The following MYO16 variants were observed in gnomAD, a reference collection of about 807,000 sequenced individuals.
MYO16 encodes the protein unconventional myosin-XVI.
In MYO16, 94 loss-of-function variants were observed where a neutral mutation model predicts 205.3. The observed-to-expected ratio is 0.46, with a 90% CI of 0.39 to 0.54. The LOEUF (loss-of-function observed/expected upper bound fraction) is 0.54. Ranked by LOEUF, MYO16 falls within the 20% of genes least tolerant of loss-of-function variation. MYO16 has a pLI of 0.00. For synonymous variants in MYO16, 988 were observed against 954.0 expected (o/e 1.04, Z -0.66); for missense variants, 2,315 against 2,387.5 (o/e 0.97, Z 0.63).
intron 16 of MYO16, among the ~76,000 whole-genome samples, chr13:108,911,999 G>A (rs1388986303): frequency 6.6e-6 from 1 of 152,202 alleles, no homozygotes; most frequent in Non-Finnish European, 1.5e-5. Context: ...GAGGAGAAGA[G>A]TGGCCAGAGA....
intron 23 of MYO16, among the ~76,000 whole-genome samples, chr13:109,043,692 A>C (rs1886953055): frequency 6.6e-6 from 1 of 152,182 alleles, no homozygotes; most frequent in East Asian, 1.9e-4. Flanking sequence ...GCAGGGATTG[A>C]AGGGAAAATG....
chr13:109,176,669 G>A (rs7987801), intron 33 of MYO16, among the ~76,000 whole-genome samples: 36,278 of 146,810 alleles, frequency 0.25, 6,541 homozygotes, highest in East Asian at 0.55. Context: ...AAATGTTACT[G>A]CGTTGGCCGT....
intron 23 of MYO16, among the ~76,000 whole-genome samples, chr13:109,038,938 AG>A (rs1886798979): frequency 6.6e-6 from 1 of 152,076 alleles, no homozygotes; most frequent in African/African-American, 2.4e-5. Context: ...GAGGCTTGGT[AG>A]GGGGTTAGGA....
upstream of MYO16, among the ~76,000 whole-genome samples, chr13:108,595,330 G>A (rs868326667): frequency 6.6e-6 from 1 of 152,098 alleles, no homozygotes; most frequent in Non-Finnish European, 1.5e-5. Context: ...AAATTGAATG[G>A]ATTAATGGAA....
intron 10 of MYO16, among the ~76,000 whole-genome samples, chr13:108,845,744 G>A (rs1877485066): frequency 6.6e-6 from 1 of 152,116 alleles, no homozygotes; most frequent in South Asian, 2.1e-4. Context: ...TGAGACAGAA[G>A]ATTGCTGTGT....
intron 10 of MYO16, among the ~76,000 whole-genome samples, chr13:108,848,015 T>A (rs1877614446): frequency 6.6e-6 from 1 of 152,156 alleles, no homozygotes; most frequent in Non-Finnish European, 1.5e-5. Flanking sequence ...GAAAGAGGCG[T>A]GCAGCTTTGC....
chr13:108,731,340 G>A (rs1884516366), intron 4 of MYO16, among the ~76,000 whole-genome samples: 1 of 152,122 alleles, frequency 6.6e-6, no homozygotes, highest in Non-Finnish European at 1.5e-5. Context: ...CCAGTTTTTG[G>A]AATTCAGCCT....
chr13:109,137,388 C>G (rs956909112), intron 31 of MYO16, among the ~76,000 whole-genome samples: 2 of 152,210 alleles, frequency 1.3e-5, no homozygotes, highest in African/African-American at 4.8e-5. Flanking sequence ...ATTATTGAAG[C>G]CAGCTTTGGA....
chr13:108,696,039 A>T (rs1471393131), intron 2 of MYO16, among the ~76,000 whole-genome samples: 1 of 152,204 alleles, frequency 6.6e-6, no homozygotes, highest in Non-Finnish European at 1.5e-5. Flanking sequence ...CAATTGTTTG[A>T]ATTTAAAAAA....
At chr13:108,551,403 C>G in the MYO16 span, among the ~76,000 whole-genome samples, 12 of 152,312 alleles carry the variant, frequency 7.9e-5, no homozygotes, top group African/African-American at 2.9e-4. Flanking sequence ...GGCTATCTCT[C>G]TAAGCCTCAT....
chr13:108,712,808 G>A (rs755258998), intron 3 of MYO16, 77 bp downstream of exon 3: 7 of 1,068,184 alleles, frequency 6.6e-6, no homozygotes, highest in African/African-American at 1.6e-5. Flanking sequence ...ACCCAGGAAC[G>A]AAATGTACAT....
intron 23 of MYO16, among the ~76,000 whole-genome samples, chr13:109,032,949 A>G (rs546412661): frequency 6.6e-6 from 1 of 152,340 alleles, no homozygotes; most frequent in African/African-American, 2.4e-5. Flanking sequence ...ATTTTAATGC[A>G]GAGAATTACA....
At chr13:108,531,633 T>TA in the MYO16 span, among the ~76,000 whole-genome samples, 2 of 151,514 alleles carry the variant, frequency 1.3e-5, no homozygotes, top group Non-Finnish European at 2.9e-5. Context: ...TAATTTTTTT[T>TA]TTTTTGAGAA....
intron 1 of MYO16, among the ~76,000 whole-genome samples, chr13:108,655,143 T>C (rs1166395235): frequency 1.3e-5 from 2 of 152,210 alleles, no homozygotes; most frequent in East Asian, 3.9e-4. Context: ...CCAAGGCATG[T>C]CATAGGTCTT....
intron 1 of MYO16, among the ~76,000 whole-genome samples, chr13:108,619,242 C>T (rs1879454529): frequency 6.6e-6 from 1 of 152,138 alleles, no homozygotes; most frequent in Admixed American, 6.5e-5. Context: ...TAATTCTTAT[C>T]ATATTAGCAC....
At chr13:108,541,918 C>T in the MYO16 span, among the ~76,000 whole-genome samples, 11 of 152,072 alleles carry the variant, frequency 7.2e-5, no homozygotes, top group African/African-American at 2.7e-4. Flanking sequence ...CCTCAAAGGA[C>T]AAAAAACAGA....
intron 32 of MYO16, among the ~76,000 whole-genome samples, chr13:109,161,500 A>T (rs1878383151): frequency 1.3e-5 from 2 of 152,156 alleles, no homozygotes; most frequent in Admixed American, 1.3e-4. Flanking sequence ...AACTCTCCAG[A>T]ATTGTCATGA....
At chr13:108,932,662 A>AAGT (rs1882308790) in intron 16 of MYO16, among the ~76,000 whole-genome samples, 3 of 152,136 alleles carry the variant, frequency 2.0e-5, no homozygotes, top group South Asian at 4.1e-4. Context: ...GTATCTACCC[A>AAGT]AGATAAGTTT....
intron 1 of MYO16, among the ~76,000 whole-genome samples, chr13:108,613,024 G>T (rs1436945157): frequency 6.6e-6 from 1 of 152,106 alleles, no homozygotes; most frequent in African/African-American, 2.4e-5. Context: ...GCTGAGATGA[G>T]AGAGACAAAA....
Sources: allele counts gnomAD v4.1 joint callset (sites outside exome capture counted in the v4.1 genomes callset), GRCh38; gene constraint gnomAD v4.1.1; transcripts MANE v1.5; gene names NCBI Gene and HGNC (gene_info 2026-07-23, HGNC 2026-07-21).